The following NTRK1 variants were observed in gnomAD, a reference collection of about 807,000 sequenced individuals.
The protein encoded by NTRK1 is high affinity nerve growth factor receptor.
In NTRK1, 62 loss-of-function variants were observed where a neutral mutation model predicts 86.8. The ratio of observed to expected loss-of-function variants is 0.71; its 90% CI spans 0.58 to 0.88. NTRK1 has a LOEUF of 0.88. Ranked by LOEUF, NTRK1 falls within the 40% of genes least tolerant of loss-of-function variation. The pLI is 0.00. For missense variants in NTRK1, 967 were observed against 1,078.4 expected, an observed-to-expected ratio of 0.90 and a Z score of 1.45; for synonymous variants, 469 against 456.6, an observed-to-expected ratio of 1.03 and a Z score of -0.35.
chr1:156,851,997 C>T (rs770398033), intron 2 of NTRK1: 1 of 1,612,320 alleles, frequency 6.2e-7, no homozygotes, highest in South Asian at 1.1e-5. Context: ...GCACAGCGCT[C>T]AGCTGTGACA....
intron 1 of NTRK1, among the ~76,000 whole-genome samples, chr1:156,826,191 G>A (rs1654310535): frequency 6.6e-6 from 1 of 151,886 alleles, no homozygotes; most frequent in South Asian, 2.1e-4. Context: ...GAGCAAAAGA[G>A]CTCTGTATGG....
At position 156,868,170 on chromosome 1, in the gene NTRK1, G is replaced by C. The variant is rs777970025; in HGVS notation, c.495G>C (p.Glu165Asp). 20 of 1,613,710 alleles carry C rather than the reference G, an allele frequency of 1.2e-5. No individual in the cohort carries two copies. Among genetic ancestry groups the C allele is most frequent in the African/African-American group, 4.0e-5 (3 of 74,950 alleles). ...ALRWLQRWEE[E>D]GLGGVPEQKL... The stretch of plus-strand genomic sequence containing the variant: ...GCTGGCTACAGCGCTGGGAGGAGGA[G>C]GGACTGGGCGGAGTGCCTGAACAGA... Residue 165 changes from glutamate (E) to aspartate (D), a missense_variant, in exon 5 of 17, where the codon GAG becomes GAC. By Grantham distance (45) the Glu-to-Asp change is conservative. This residue lies in a region of NTRK1 where 330 missense variants were observed against 302.0 expected (regional missense o/e 1.09). Coordinates refer to ENST00000524377, the MANE Select transcript of NTRK1 (RefSeq NM_002529.4).
At chr1:156,867,583 T>G (rs1282319307) in intron 4 of NTRK1, among the ~76,000 whole-genome samples, 3 of 152,202 alleles carry the variant, frequency 2.0e-5, no homozygotes, top group Non-Finnish European at 4.4e-5. Context: ...ATCCTCCGCC[T>G]CGGCCTCCCA....
In NTRK1 at chr1:156,840,759, C is replaced by T. The variant is rs956969953; in HGVS notation, c.-63-1322C>T. Reference sequence around the variant, plus strand: ...CTGCTCCTGTTCTCTGCCCCACCCTCGGCCATCCCTTGCCCTGAGTTGGGG... The same window carrying T: ...CTGCTCCTGTTCTCTGCCCCACCCTTGGCCATCCCTTGCCCTGAGTTGGGG... On this transcript the variant is annotated intron_variant, in intron 1 of 16. Transcript: ENST00000392302. 156 of 803,758 alleles carry T rather than the reference C, an allele frequency of 1.9e-4. No individual in the cohort carries two copies. In the East Asian group the frequency reaches 3.5e-3, roughly 18 times the overall value. 49.8% of individuals were successfully genotyped at this position (803,758 alleles called of 1,614,324 possible).
intron 1 of NTRK1, among the ~76,000 whole-genome samples, chr1:156,823,825 G>A (rs1166260548): frequency 2.0e-5 from 3 of 152,214 alleles, no homozygotes; most frequent in African/African-American, 7.2e-5. Context: ...TGGGCATACA[G>A]GTGGCGGAAA....
intron 2 of NTRK1, chr1:156,844,180 C>A (rs758328689): frequency 2.5e-6 from 4 of 1,612,812 alleles, no homozygotes; most frequent in Non-Finnish European, 3.4e-6. Context: ...ATCACCTCTT[C>A]TTGCCGTAGA....
At chr1:156,858,182 C>A (rs1286970440), upstream of NTRK1, among the ~76,000 whole-genome samples, 3 of 152,192 alleles carry the variant, frequency 2.0e-5, no homozygotes, top group Non-Finnish European at 2.9e-5. Context: ...AGCTACCTAT[C>A]CCACCCCTGC....
chr1:156,849,355 G>T, intron 2 of NTRK1: 1 of 1,613,966 alleles, frequency 6.2e-7, no homozygotes, highest in Non-Finnish European at 8.5e-7. Context: ...AGAGGCGCGG[G>T]TTGAAGGCGA....
chr1:156,847,292 C>G (rs1348698510), intron 2 of NTRK1, among the ~76,000 whole-genome samples: 1 of 152,130 alleles, frequency 6.6e-6, no homozygotes, highest in Non-Finnish European at 1.5e-5. Flanking sequence ...TGTCCATGAC[C>G]CTAAAAGGCC....
intron 2 of NTRK1, chr1:156,849,399 C>A (rs745638615): frequency 4.4e-5 from 71 of 1,611,272 alleles, no homozygotes; most frequent in Non-Finnish European, 5.9e-5. Flanking sequence ...GTGAGCCCCG[C>A]GGCCACCCAG....
chr1:156,861,065 G>T lies in NTRK1; in HGVS notation c.131G>T (p.Gly44Val). The T allele has an allele frequency of 1.3e-6, 2 of 1,568,562 alleles. No individual in the cohort carries two copies. Among genetic ancestry groups the T allele is most frequent in the East Asian group, 2.3e-5 (1 of 43,106 alleles). ...APCPDACCPH[G>V]SSGLRCTRDG... ...TGCCCCGATGCCTGCTGCCCCCACG[G>T]CTCCTCGGGACTGCGATGCACCCGG... is the stretch of plus-strand genomic sequence containing the variant. The change falls in exon 1 of 17, where the codon GGC (glycine) becomes GTC (valine). Residue 44 changes from glycine (G) to valine (V), a missense_variant. Gly to Val is a moderately radical substitution (Grantham distance 109, BLOSUM62 -3). This residue lies in a region of NTRK1 where 330 missense variants were observed against 302.0 expected (regional missense o/e 1.09). Transcript: ENST00000524377.
chr1:156,881,400 T>C (rs2102930197), intron 16 of NTRK1, 57 bp from the exon 17 acceptor site: 1 of 1,529,824 alleles, frequency 6.5e-7, no homozygotes, highest in Non-Finnish European at 8.8e-7. Flanking sequence ...GGGACTGGCC[T>C]CACTCTCTTG....
Position 156,881,756 on chromosome 1 carries a change from G to A in NTRK1, c.*114G>A. On this transcript the variant is annotated 3_prime_UTR_variant, in exon 17 of 17. Transcript: ENST00000524377. The stretch of plus-strand genomic sequence containing the variant: ...TCTCAAAGTATCTAATTCACCCTCA[G>A]CATGTGGGAAGGGACAGGTGGGGGC... 8.9e-7 allele frequency: 1 copy of A among 1,119,948 alleles called. No homozygotes were observed. The highest frequency in any genetic ancestry group is 1.7e-5 in the South Asian group (1 of 59,492). 69.4% of individuals were successfully genotyped at this position (1,119,948 alleles called of 1,614,324 possible).
rs1571685156 is a variant in NTRK1 at position 156,864,382 on chromosome 1, C to T, written c.241C>T (p.His81Tyr). ...LYIENQQHLQHLELRDLRGLG... is the reference protein window; with the variant it reads ...LYIENQQHLQYLELRDLRGLG... ...CATCGAGAACCAGCAGCATCTGCAGCATCTGGAGCTCCGTGATCTGAGGGG... is the reference window on the plus strand; with the variant it reads ...CATCGAGAACCAGCAGCATCTGCAGTATCTGGAGCTCCGTGATCTGAGGGG... The change falls in exon 2 of 17, where the codon CAT (histidine) becomes TAT (tyrosine). Residue 81 changes from histidine to tyrosine, a missense_variant. His to Tyr is a moderately conservative substitution (Grantham distance 83). Transcript: ENST00000524377. The T allele has an allele frequency of 1.9e-6, 3 of 1,614,148 alleles. No individual in the cohort carries two copies. The Middle Eastern group carries it at 4.9e-4, about 266-fold the overall frequency.
chr1:156,853,773 T>A (rs761481291), intron 2 of NTRK1: 1 of 1,603,464 alleles, frequency 6.2e-7, no homozygotes, highest in South Asian at 1.1e-5. Context: ...TGGCTGGAGG[T>A]CCAGCATCTG....
intron 1 of NTRK1, chr1:156,816,610 G>T: frequency 6.5e-7 from 1 of 1,528,866 alleles, no homozygotes; most frequent in Non-Finnish European, 8.9e-7. Context: ...AAGCCCAGGA[G>T]GGAGGGCAGG....
At chr1:156,827,981 T>A (rs1888864) in intron 1 of NTRK1, among the ~76,000 whole-genome samples, 116,266 of 151,908 alleles carry the variant, frequency 0.77, 44,617 homozygotes, top group East Asian at 0.88. Flanking sequence ...TAATATATCC[T>A]TTTTTTTATT....
chr1:156,848,441 C>T (rs1000197102), intron 2 of NTRK1, among the ~76,000 whole-genome samples: 4 of 152,182 alleles, frequency 2.6e-5, no homozygotes, highest in Non-Finnish European at 4.4e-5. Context: ...TAACCACTAT[C>T]CTCATTGTTA....
chr1:156,880,971 G>A (rs180869099), intron 16 of NTRK1, among the ~76,000 whole-genome samples: 27 of 152,286 alleles, frequency 1.8e-4, no homozygotes, highest in African/African-American at 6.3e-4. Flanking sequence ...GTCCCACAGA[G>A]TGGTATCCCT....
Sources: allele counts gnomAD v4.1 joint callset (sites outside exome capture counted in the v4.1 genomes callset), GRCh38; gene constraint gnomAD v4.1.1; regional missense constraint gnomAD v4.1.1; transcripts MANE v1.5; gene names NCBI Gene and HGNC (gene_info 2026-07-23, HGNC 2026-07-21).